The following BPI variants were observed in gnomAD, a reference collection of about 807,000 sequenced individuals.
The protein encoded by BPI is bactericidal permeability-increasing protein.
Under a neutral mutation model 57.6 loss-of-function variants are expected in BPI, and 48 were observed. The observed-to-expected ratio is 0.83, with a 90% CI of 0.66 to 1.06. BPI has a LOEUF of 1.06. Among genes scored for constraint, BPI ranks in the 50% least tolerant of loss-of-function variants. BPI has a pLI of 0.00. For synonymous variants in BPI, 237 were observed against 238.2 expected, an observed-to-expected ratio of 0.99 and a Z score of 0.05; for missense variants, 651 against 609.7, an observed-to-expected ratio of 1.07 and a Z score of -0.71.
chr20:38,337,177 A>G lies in BPI; in HGVS notation c.1445A>G (p.Tyr482Cys). 4 of 1,590,748 alleles carry G rather than the reference A, an allele frequency of 2.5e-6. No homozygotes were observed. Among genetic ancestry groups the G allele is most frequent in the Non-Finnish European group, 3.4e-6 (4 of 1,170,584 alleles). ...NFLLFGADVV[Y>C]K ...CTGCTGTTCGGTGCAGACGTTGTCT[A>G]TAAATGAAGGCACCAGGGGTGCCGG... is the stretch of plus-strand genomic sequence containing the variant. Residue 482 changes from tyrosine to cysteine, a missense_variant, in exon 15 of 15, where the codon TAT (tyrosine) becomes TGT (cysteine). Coordinates refer to ENST00000642449, the MANE Select transcript of BPI (RefSeq NM_001725.3).
At chr20:38,304,416 T>C in intron 1 of BPI, 63 bp downstream of exon 1, 1 of 1,583,662 alleles carries the variant, frequency 6.3e-7, no homozygotes, top group Non-Finnish European at 8.6e-7. Context: ...GCATCTACTG[T>C]GTGCACCCCT....
rs781578237 is a variant in BPI, at chr20:38,308,930, C to T, written c.246C>T (p.Ser82=). ...HLGKGHYSFY[S]MDIREFQLPS... is the part of the protein sequence containing the mutation. ...TGACATTCACATTTCTCCTTTGCAG[C>T]ATGGACATCCGTGAATTCCAGCTTC... Residue 82 remains serine, a splice_region_variant and synonymous_variant, in exon 3 of 15, where the codon AGC becomes AGT. Coordinates refer to ENST00000642449, the MANE Select transcript of BPI (RefSeq NM_001725.3). 1.9e-6 allele frequency: 3 copies of T among 1,614,166 alleles called. No individual in the cohort carries two copies. Among genetic ancestry groups the T allele is most frequent in the Non-Finnish European group, 2.5e-6 (3 of 1,180,002 alleles).
chr20:38,327,178 T>C (rs148751479), intron 10 of BPI, among the ~76,000 whole-genome samples: 150 of 152,340 alleles, frequency 9.8e-4, no homozygotes, highest in African/African-American at 3.5e-3. Context: ...CTGAGACCTG[T>C]TATTCCCACT....
chr20:38,316,920 A>AG (rs2122518417), intron 5 of BPI, among the ~76,000 whole-genome samples: 1 of 152,324 alleles, frequency 6.6e-6, no homozygotes, highest in Admixed American at 6.5e-5. Context: ...GGGAGCCAGG[A>AG]AGAAAGCCCA....
chr20:38,326,030 T>C (rs2076711126), intron 9 of BPI, among the ~76,000 whole-genome samples: 1 of 151,972 alleles, frequency 6.6e-6, no homozygotes, highest in Non-Finnish European at 1.5e-5. Context: ...AGAGAGCTTG[T>C]TGAGTTTGGG....
chr20:38,307,470 G>A, intron 1 of BPI, 97 bp from the exon 2 acceptor site: 1 of 833,804 alleles, frequency 1.2e-6, no homozygotes, highest in Non-Finnish European at 1.9e-6. Flanking sequence ...CACTGTCCAT[G>A]CTACGAACAG....
chr20:38,331,172 A>AT, intron 12 of BPI, 82 bp downstream of exon 12: 2 of 1,472,564 alleles, frequency 1.4e-6, no homozygotes, highest in Non-Finnish European at 1.9e-6. Flanking sequence ...TCAAGGCATT[A>AT]TTTAAGAGGC....
At chr20:38,308,704 A>G (rs747052934) in intron 2 of BPI, among the ~76,000 whole-genome samples, 12 of 152,214 alleles carry the variant, frequency 7.9e-5, no homozygotes, top group Non-Finnish European at 1.5e-4. Context: ...AGAGTATATT[A>G]AAGAGCAGGA....
intron 7 of BPI, among the ~76,000 whole-genome samples, chr20:38,321,994 A>G (rs1158939516): frequency 2.6e-5 from 4 of 152,236 alleles, no homozygotes; most frequent in Non-Finnish European, 4.4e-5. Context: ...ATACACACAG[A>G]CATATATTTT....
intron 8 of BPI, 45 bp from the exon 9 acceptor site, chr20:38,324,729 C>G (rs753698257): frequency 6.6e-7 from 1 of 1,522,524 alleles, no homozygotes; most frequent in East Asian, 2.2e-5. Context: ...TCTGCTCCGT[C>G]TGTAACAGCA....
chr20:38,311,981 C>T (rs201289851), intron 5 of BPI, 44 bp downstream of exon 5: 4 of 1,576,358 alleles, frequency 2.5e-6, no homozygotes, highest in Admixed American at 1.7e-5. Flanking sequence ...AGGAGAAGGG[C>T]CCTTAGTAAC....
At chr20:38,306,664 T>C (rs373088373) in intron 1 of BPI, among the ~76,000 whole-genome samples, 26 of 152,252 alleles carry the variant, frequency 1.7e-4, no homozygotes, top group African/African-American at 5.5e-4. Context: ...AAGAATAGCA[T>C]GTGCAAAGGC....
intron 2 of BPI, 94 bp from the exon 3 acceptor site, chr20:38,308,836 T>C (rs1171625190): frequency 7.3e-6 from 11 of 1,497,228 alleles, no homozygotes; most frequent in African/African-American, 2.8e-5. Context: ...GACCAGGTGG[T>C]GGGGGACGAG....
intron 3 of BPI, 125 bp from the exon 4 acceptor site, chr20:38,310,366 C>T (rs546685966): frequency 1.7e-6 from 2 of 1,197,408 alleles, no homozygotes; most frequent in East Asian, 4.8e-5. Context: ...TGCCTCTTCT[C>T]TCTGAACGTA....
At chr20:38,307,521 G>A in intron 1 of BPI, 46 bp from the exon 2 acceptor site, 1 of 1,462,072 alleles carries the variant, frequency 6.8e-7, no homozygotes, top group East Asian at 2.4e-5. Flanking sequence ...TCTGTCCCCT[G>A]CTCCAGGCTG....
intron 5 of BPI, among the ~76,000 whole-genome samples, chr20:38,313,760 A>T (rs2076633478): frequency 1.3e-5 from 2 of 150,780 alleles, no homozygotes; most frequent in Admixed American, 6.6e-5. Flanking sequence ...GGTGATGGTG[A>T]TGACGGTGAT....
Position 38,310,555 on chromosome 20 carries a change from G to C in BPI, c.439G>C (p.Gly147Arg). The C allele has an allele frequency of 6.2e-7, 1 of 1,614,152 alleles. No individual in the cohort carries two copies. Among genetic ancestry groups the C allele is most frequent in the Non-Finnish European group, 8.5e-7 (1 of 1,180,030 alleles). The change falls in exon 4 of 15, where the codon GGC (glycine) becomes CGC (arginine). Residue 147 changes from glycine to arginine, a missense_variant. Transcript: ENST00000642449. ...GTCCATTTCGGCTGATCTGAAGCTGGGCAGTAACCCCACGTCAGGCAAGCC... is the reference window on the plus strand; with the variant it reads ...GTCCATTTCGGCTGATCTGAAGCTGCGCAGTAACCCCACGTCAGGCAAGCC... ...GMSISADLKL[G>R]SNPTSGKPTI...
chr20:38,304,213 T>C lies in BPI; in HGVS notation c.-11T>C. On this transcript the variant is annotated 5_prime_UTR_variant, in exon 1 of 15. The change abolishes an upstream ATG in the 5' untranslated region. Transcript: ENST00000642449. The stretch of plus-strand genomic sequence containing the variant: ...TTGAGGTTTTGGCAGCTCTGGAGGA[T>C]GAGAGAGAACATGGCCAGGGGCCCT... 6.2e-7 allele frequency: 1 copy of C among 1,613,796 alleles called. No homozygotes were observed. The highest frequency in any genetic ancestry group is 8.5e-7 in the Non-Finnish European group (1 of 1,179,844).
At chr20:38,334,563 C>T in intron 13 of BPI, 70 bp downstream of exon 13, 1 of 1,472,588 alleles carries the variant, frequency 6.8e-7, no homozygotes, top group South Asian at 1.1e-5. Flanking sequence ...TACCCACAGC[C>T]ACCTGTTACC....
Sources: gnomAD v4.1 joint callset for allele counts (sites outside exome capture counted in the v4.1 genomes callset) on GRCh38, gnomAD v4.1.1 for gene constraint, MANE v1.5 for transcripts, NCBI Gene and HGNC (gene_info 2026-07-23, HGNC 2026-07-21) for gene names.